The following PPEF2 variants were observed in gnomAD, a reference collection of about 807,000 sequenced individuals.
PPEF2 encodes the protein protein phosphatase with EF-hand domain 2.
In PPEF2, 84 loss-of-function variants were observed where a neutral mutation model predicts 84.7. The observed-to-expected ratio is 0.99, with a 90% confidence interval of 0.83 to 1.19. The LOEUF (loss-of-function observed/expected upper bound fraction) is 1.19. PPEF2 is among the 50% of genes most tolerant of loss of function. The pLI is 0.00. For synonymous variants in PPEF2, 346 were observed against 345.2 expected, an observed-to-expected ratio of 1.00 and a Z score of -0.03; for missense variants, 924 against 937.5, an observed-to-expected ratio of 0.99 and a Z score of 0.19.
At chr4:75,861,225 C>A (rs1228605912) in intron 16 of PPEF2, among the ~76,000 whole-genome samples, 1 of 152,090 alleles carries the variant, frequency 6.6e-6, no homozygotes, top group African/African-American at 2.4e-5. Flanking sequence ...GCCAGACATG[C>A]TGCCAAACAT....
intron 8 of PPEF2, chr4:75,883,473 C>T (rs1724631898): frequency 4.8e-6 from 2 of 416,028 alleles, no homozygotes; most frequent in South Asian, 8.8e-5. Flanking sequence ...TATGTGTATG[C>T]AAAAACAAAT....
At chr4:75,862,380 A>G (rs1054591888) in intron 16 of PPEF2, among the ~76,000 whole-genome samples, 2 of 152,004 alleles carry the variant, frequency 1.3e-5, no homozygotes, top group African/African-American at 4.8e-5. Flanking sequence ...CAAAATCAGA[A>G]AAAAAATTTG....
chr4:75,873,127 C>T lies in PPEF2; in HGVS notation c.1506G>A (p.Lys502=), dbSNP rs747832342. The T allele has an allele frequency of 6.2e-7, 1 of 1,612,598 alleles. No homozygotes were observed. The highest frequency in any genetic ancestry group is 1.3e-5 in the African/African-American group (1 of 74,920). Residue 502 remains lysine (K), a splice_region_variant and synonymous_variant, in exon 12 of 17, where the codon AAG becomes AAA. Transcript: ENST00000286719. The part of the protein sequence containing the change: ...PEGYEFCHNR[K]VLTIFSASNY... ...GTACTGCTGCAGAGGGAGCACCCACCTTGCGGTTGTGACAGAATTCATAGC... is the reference window on the plus strand; with the variant it reads ...GTACTGCTGCAGAGGGAGCACCCACTTTGCGGTTGTGACAGAATTCATAGC...
chr4:75,872,228 T>C, intron 12 of PPEF2, 61 bp from the exon 13 acceptor site: 1 of 1,521,836 alleles, frequency 6.6e-7, no homozygotes, highest in African/African-American at 1.4e-5. Flanking sequence ...TCACCCTCAA[T>C]CCTATGTGGC....
chr4:75,874,932 C>T (rs1472466150), intron 11 of PPEF2, among the ~76,000 whole-genome samples: 12 of 144,962 alleles, frequency 8.3e-5, no homozygotes, highest in South Asian at 4.3e-4. Flanking sequence ...GACGGAGTCT[C>T]GCTCTGTCGC....
intron 1 of PPEF2, among the ~76,000 whole-genome samples, chr4:75,896,800 G>A (rs1324090016): frequency 2.6e-5 from 4 of 151,988 alleles, no homozygotes; most frequent in Non-Finnish European, 5.9e-5. Flanking sequence ...CTTTCCTGAT[G>A]CCTCTAATGT....
At chr4:75,888,359 A>G (rs776820449) in intron 5 of PPEF2, 31 bp from the exon 6 acceptor site, 1 of 1,491,900 alleles carries the variant, frequency 6.7e-7, no homozygotes, top group South Asian at 1.1e-5. Flanking sequence ...GAAGGAAGAA[A>G]ACAACACTGA....
intron 12 of PPEF2, among the ~76,000 whole-genome samples, chr4:75,872,807 C>T (rs748738606): frequency 8.5e-5 from 13 of 152,116 alleles, no homozygotes; most frequent in Non-Finnish European, 8.8e-5. Flanking sequence ...GACAAATGAG[C>T]CTGAATCCCT....
At position 75,891,885 on chromosome 4, in the gene PPEF2, G is replaced by C. The variant is rs748947101; in HGVS notation, c.149C>G (p.Ser50Cys). 1 of 1,613,948 alleles carries C rather than the reference G, an allele frequency of 6.2e-7. No homozygotes were observed. Among genetic ancestry groups the C allele is most frequent in the African/African-American group, 1.3e-5 (1 of 74,918 alleles). ...RRRCTWSIFQ[S>C]IEYAGQQDQV... ...GTCTTGCTGCCCAGCATATTCTATA[G>C]ACTGGAAGATGCTCCAGGTGCAACG... Residue 50 changes from serine to cysteine, a missense_variant, in exon 3 of 17, where the codon TCT becomes TGT. Transcript: ENST00000286719.
At position 75,896,340 on chromosome 4, in the gene PPEF2, G is replaced by T. The variant is rs756871903; in HGVS notation, c.-15C>A. The stretch of plus-strand genomic sequence containing the variant: ...CCGCTTCCCATAGTTTAAGCGCAAT[G>T]CTCCTGCAGGACGCAGCAGATCCAG... On this transcript the variant is annotated 5_prime_UTR_variant, in exon 2 of 17. Coordinates refer to ENST00000286719, the MANE Select transcript of PPEF2 (RefSeq NM_006239.3). The T allele has an allele frequency of 6.2e-7, 1 of 1,614,012 alleles. No individual in the cohort carries two copies. The highest frequency in any genetic ancestry group is 8.5e-7 in the Non-Finnish European group (1 of 1,179,852).
rs367646919 is a variant in PPEF2, at chr4:75,860,770, G to A, written c.2159C>T (p.Ala720Val). ...GCAGGATTTCTCCACAAGGCGGAAG[G>A]CCTCCAGGAACTCATTGATATCAAT... is the stretch of plus-strand genomic sequence containing the variant. The part of the protein sequence containing the change: ...GHIDINEFLE[A>V]FRLVEKSCPE... The change falls in exon 17 of 17, where the codon GCC (alanine) becomes GTC (valine). Residue 720 changes from alanine (A) to valine (V), a missense_variant. By Grantham distance (64) the Ala-to-Val change is moderately conservative. Coordinates refer to ENST00000286719, the MANE Select transcript of PPEF2 (RefSeq NM_006239.3). 3 of 1,614,128 alleles carry A rather than the reference G, an allele frequency of 1.9e-6. No homozygotes were observed. The highest frequency in any genetic ancestry group is 1.3e-5 in the African/African-American group (1 of 74,934).
intron 10 of PPEF2, among the ~76,000 whole-genome samples, chr4:75,876,954 A>G (rs1724433296): frequency 7.5e-6 from 1 of 133,250 alleles, no homozygotes; most frequent in African/African-American, 2.7e-5. Flanking sequence ...GCTGCAGTAA[A>G]CTGAGATTGA....
Position 75,891,651 on chromosome 4 carries a change from CGTT to C in PPEF2, c.235_237del (p.Asn79del), listed in dbSNP as rs762793940. On this transcript the variant is annotated inframe_deletion, in exon 4 of 17. Transcript: ENST00000286719. Reference sequence around the variant, plus strand: ...ACATGTGGCAGTTCATACTCACTGTCGTTGTGGCTGCTGGGGATGAAGTGATCC... The same window carrying C: ...ACATGTGGCAGTTCATACTCACTGTCGTGGCTGCTGGGGATGAAGTGATCC... 1.9e-6 allele frequency: 3 copies of C among 1,608,600 alleles called. No individual in the cohort carries two copies. In the East Asian group the frequency reaches 6.7e-5, roughly 36 times the overall value.
At chr4:75,879,397 C>T (rs554013454) in intron 10 of PPEF2, among the ~76,000 whole-genome samples, 3 of 152,212 alleles carry the variant, frequency 2.0e-5, no homozygotes, top group South Asian at 4.1e-4. Context: ...GTTTGCAACC[C>T]GGCATTGTTC....
At chr4:75,887,292 A>G (rs1429534673) in intron 6 of PPEF2, among the ~76,000 whole-genome samples, 1 of 152,226 alleles carries the variant, frequency 6.6e-6, no homozygotes, top group Admixed American at 6.5e-5. Context: ...ATCATAATAT[A>G]AAATCCTCCA....
chr4:75,878,197 C>G (rs1724476597), intron 10 of PPEF2, among the ~76,000 whole-genome samples: 1 of 152,172 alleles, frequency 6.6e-6, no homozygotes, highest in Admixed American at 6.5e-5. Flanking sequence ...CTCCTTGCCA[C>G]AGGGAATTGA....
chr4:75,861,285 A>T (rs1337705556), intron 16 of PPEF2, among the ~76,000 whole-genome samples: 1 of 152,046 alleles, frequency 6.6e-6, no homozygotes, highest in Non-Finnish European at 1.5e-5. Context: ...CAACAGTACC[A>T]CTGTTGAGAA....
rs1277052520 is a variant in PPEF2 at position 75,874,301 on chromosome 4, GT to G, written c.1321-990del. On this transcript the variant is annotated intron_variant, in intron 11 of 16. Transcript: ENST00000286719. ...GTCATTTAATACTTTCTTTTCTTTTGTTTTTTTTTTTTGAGACAGAGTCTCA... is the reference window on the plus strand; with the variant it reads ...GTCATTTAATACTTTCTTTTCTTTTGTTTTTTTTTTTGAGACAGAGTCTCA... Among the ~76,000 whole-genome samples, 1,134 of 141,998 alleles carry G rather than the reference GT, an allele frequency of 8.0e-3. 9 individuals carry two copies. The highest frequency in any genetic ancestry group is 0.019 in the African/African-American group (744 of 38,964). The allele number at this position is 141,998 out of a possible 152,430, so 93.2% of individuals were successfully genotyped here.
In PPEF2 at chr4:75,867,385, G is replaced by A. The variant is rs1314417662; in HGVS notation, c.1684C>T (p.Leu562=). 1 of 1,613,962 alleles carries A rather than the reference G, an allele frequency of 6.2e-7. No individual in the cohort carries two copies. The highest frequency in any genetic ancestry group is 1.3e-5 in the African/African-American group (1 of 75,014). ...SRVEESALRA[L]REKLFAHSSD... is the part of the protein sequence containing the mutation. ...GAATGAGCAAACAGCTTCTCCCTCA[G>A]AGCTCTCAGAGCCGACTCCTCCACT... The change falls in exon 14 of 17, where the codon CTG becomes TTG. Residue 562 remains leucine (L), a synonymous_variant. Transcript: ENST00000286719.
Sources: gnomAD v4.1 joint callset for allele counts (sites outside exome capture counted in the v4.1 genomes callset) on GRCh38, gnomAD v4.1.1 for gene constraint, MANE v1.5 for transcripts, NCBI Gene and HGNC (gene_info 2026-07-23, HGNC 2026-07-21) for gene names.